Variants in ROBO1 observed in about 807,000 individuals in gnomAD.
The protein encoded by ROBO1 is roundabout homolog 1.
In ROBO1, 149 loss-of-function variants were observed where a neutral mutation model predicts 195.9. The ratio of observed to expected loss-of-function variants is 0.76; its 90% CI spans 0.67 to 0.87. The LOEUF (loss-of-function observed/expected upper bound fraction) is 0.87. ROBO1 is among the 40% of genes least tolerant of loss of function. The pLI is 0.00. For missense variants in ROBO1, 1,933 were observed against 2,068.3 expected (o/e 0.93, Z 1.27); for synonymous variants, 816 against 733.2 (o/e 1.11, Z -1.82).
chr3:79,125,637 T>C, intron 2 of ROBO1, 98 bp from the exon 3 acceptor site: 1 of 889,632 alleles, frequency 1.1e-6, no homozygotes, highest in Non-Finnish European at 1.8e-6. Flanking sequence ...AATCCACATG[T>C]GACAGAAAAA....
rs1704241360 is a variant in ROBO1, at chr3:78,618,137, C to T, written c.3876-96G>A. ...AAATTCACAAGCATGCAGATTTGAC[C>T]TTTACTTCTTTTGAGCTCATATGTT... is the stretch of plus-strand genomic sequence containing the variant. On this transcript the variant is annotated intron_variant, in intron 26 of 30. Transcript: ENST00000464233. The T allele has an allele frequency of 5.4e-6, 7 of 1,298,382 alleles. No homozygotes were observed. The African/African-American group carries it at 8.9e-5, about 17-fold the overall frequency. The allele number at this position is 1,298,382 out of a possible 1,614,324, so 80.4% of individuals were successfully genotyped here.
At chr3:79,082,971 T>C (rs991586139) in intron 3 of ROBO1, among the ~76,000 whole-genome samples, 9 of 152,188 alleles carry the variant, frequency 5.9e-5, no homozygotes, top group African/African-American at 2.2e-4. Flanking sequence ...TAATGAGGCC[T>C]TTAGGAACGC....
At chr3:79,400,382 A>G (rs1559872362) in intron 2 of ROBO1, among the ~76,000 whole-genome samples, 1 of 152,090 alleles carries the variant, frequency 6.6e-6, no homozygotes, top group Non-Finnish European at 1.5e-5. Context: ...TGGCAGATAC[A>G]TGACAAATTT....
At chr3:79,533,471 T>A (rs1941737525) in intron 2 of ROBO1, among the ~76,000 whole-genome samples, 1 of 152,124 alleles carries the variant, frequency 6.6e-6, no homozygotes, top group African/African-American at 2.4e-5. Flanking sequence ...GTAGTAAATA[T>A]TTAACTTTAT....
chr3:79,571,649 A>C, intron 2 of ROBO1, among the ~76,000 whole-genome samples: 1 of 142,272 alleles, frequency 7.0e-6, no homozygotes, highest in East Asian at 2.0e-4. Context: ...TCAAAACATA[A>C]AGTGATGTAA....
intron 2 of ROBO1, among the ~76,000 whole-genome samples, chr3:79,151,104 T>C (rs1227823515): frequency 6.6e-6 from 1 of 151,860 alleles, no homozygotes; most frequent in African/African-American, 2.4e-5. Flanking sequence ...ACAAGCTCTC[T>C]CTTGACTGCC....
At chr3:78,625,020 C>T (rs1388095399) in intron 26 of ROBO1, among the ~76,000 whole-genome samples, 1 of 152,078 alleles carries the variant, frequency 6.6e-6, no homozygotes, top group Admixed American at 6.5e-5. Context: ...ATTGTGAAAA[C>T]CTTTAAATAC....
chr3:79,591,173 T>C (rs1943988835), intron 1 of ROBO1, among the ~76,000 whole-genome samples: 1 of 151,860 alleles, frequency 6.6e-6, no homozygotes. Flanking sequence ...ACAAACCTAG[T>C]ACTATATAAA....
chr3:79,631,960 A>C (rs570132518), intron 1 of ROBO1, among the ~76,000 whole-genome samples: 1 of 152,250 alleles, frequency 6.6e-6, no homozygotes, highest in Non-Finnish European at 1.5e-5. Flanking sequence ...GCTTTTATTA[A>C]AATGTCAAAA....
At chr3:79,426,050 C>T (rs577010960) in intron 2 of ROBO1, among the ~76,000 whole-genome samples, 235 of 152,090 alleles carry the variant, frequency 1.5e-3, no homozygotes, top group Middle Eastern at 0.01. Context: ...TTTTTAGTAT[C>T]CAGAAGGAAC....
intron 26 of ROBO1, among the ~76,000 whole-genome samples, chr3:78,625,042 C>G (rs1292400555): frequency 2.0e-5 from 3 of 152,154 alleles, no homozygotes; most frequent in Non-Finnish European, 4.4e-5. Context: ...GGGTTAAACA[C>G]TAACTTGACT....
chr3:78,995,358 C>CAGCA (rs1167957639), intron 3 of ROBO1, among the ~76,000 whole-genome samples: 1 of 151,998 alleles, frequency 6.6e-6, no homozygotes, highest in Non-Finnish European at 1.5e-5. Context: ...TTAATGACGC[C>CAGCA]AGCAAGCATG....
chr3:79,179,001 TA>T (rs2081299794), intron 2 of ROBO1, among the ~76,000 whole-genome samples: 1 of 152,164 alleles, frequency 6.6e-6, no homozygotes, highest in Non-Finnish European at 1.5e-5. Flanking sequence ...ACAGACTAAT[TA>T]CCATAATTAA....
chr3:79,341,704 T>C (rs36115729), intron 2 of ROBO1, among the ~76,000 whole-genome samples: 3,170 of 152,266 alleles, frequency 0.021, 39 homozygotes, highest in Non-Finnish European at 0.033. Context: ...ACCATACTTA[T>C]ATTAAACGTT....
intron 2 of ROBO1, among the ~76,000 whole-genome samples, chr3:79,467,577 C>A (rs74825712): frequency 6.6e-6 from 1 of 151,754 alleles, no homozygotes; most frequent in East Asian, 2.0e-4. Flanking sequence ...TGTGGGACAG[C>A]CGAACTCCAG....
At chr3:79,366,038 C>T (rs985274948) in intron 2 of ROBO1, among the ~76,000 whole-genome samples, 6 of 152,064 alleles carry the variant, frequency 3.9e-5, no homozygotes, top group African/African-American at 1.2e-4. Flanking sequence ...TCTACCTATA[C>T]AAAGCCTTCC....
At chr3:78,897,296 G>C (rs1378043943) in intron 4 of ROBO1, among the ~76,000 whole-genome samples, 1 of 152,040 alleles carries the variant, frequency 6.6e-6, no homozygotes, top group Non-Finnish European at 1.5e-5. Context: ...AGTATTTTTC[G>C]AAGCACCATC....
rs535169023 is a variant in ROBO1, at chr3:79,619,779, C to T, written c.-50-29818G>A. Among the ~76,000 whole-genome samples the T allele has an allele frequency of 4.6e-5, 7 of 152,288 alleles. No individual in the cohort carries two copies. In the South Asian group the frequency reaches 1.2e-3, roughly 27 times the overall value. ...CCCTTAGAAGCTTTACCACCCTAGA[C>T]CCAGAGGGGACAGAAAACAGTCTTA... On this transcript the variant is annotated intron_variant, in intron 1 of 30. Coordinates refer to ENST00000464233, the MANE Select transcript of ROBO1 (RefSeq NM_002941.4).
chr3:79,680,940 T>G (rs534337375), intron 1 of ROBO1, among the ~76,000 whole-genome samples: 18 of 152,020 alleles, frequency 1.2e-4, no homozygotes, highest in East Asian at 9.7e-4. Flanking sequence ...AAGTTGAGGT[T>G]GTTGAAGAAG....
Sources: gnomAD v4.1 joint callset for allele counts (sites outside exome capture counted in the v4.1 genomes callset) on GRCh38, gnomAD v4.1.1 for gene constraint, MANE v1.5 for transcripts, NCBI Gene and HGNC (gene_info 2026-07-23, HGNC 2026-07-21) for gene names.